The following CFAP300 variants were observed in gnomAD, a reference collection of about 807,000 sequenced individuals.
CFAP300 encodes cilia and flagella associated protein 300.
CFAP300 carries 32 observed loss-of-function variants against 33.0 expected under a neutral mutation model. The observed-to-expected ratio is 0.97, with a 90% CI of 0.73 to 1.30. CFAP300 has a LOEUF of 1.30. CFAP300 is among the 50% of genes most tolerant of loss of function. The probability of loss-of-function intolerance (pLI) is 0.00; values close to 1 mark genes in which losing one functional copy is unlikely to be tolerated. For missense variants in CFAP300, 356 were observed against 318.1 expected, an observed-to-expected ratio of 1.12 and a Z score of -0.90; for synonymous variants, 102 against 106.8, an observed-to-expected ratio of 0.95 and a Z score of 0.28.
chr11:102,079,527 G>A (rs17688499), intron 5 of CFAP300, among the ~76,000 whole-genome samples: 2,307 of 152,176 alleles, frequency 0.015, 101 homozygotes, highest in Admixed American at 0.077. Flanking sequence ...CCCTGAAATG[G>A]CTATGGCTGG....
intron 3 of CFAP300, among the ~76,000 whole-genome samples, chr11:102,063,783 C>A (rs1294871045): frequency 6.6e-6 from 1 of 152,096 alleles, no homozygotes; most frequent in Non-Finnish European, 1.5e-5. Context: ...CACATCACCA[C>A]ACTGCAGCCT....
chr11:102,047,614 C>G (rs1941900203), intron 1 of CFAP300, 34 bp downstream of exon 1: 1 of 1,527,052 alleles, frequency 6.5e-7, no homozygotes, highest in Non-Finnish European at 8.8e-7. Flanking sequence ...AGAAGAGGCC[C>G]TTGGTCTTCG....
intron 6 of CFAP300, 67 bp downstream of exon 6, chr11:102,081,348 T>C (rs756538904): frequency 1.6e-6 from 2 of 1,284,276 alleles, no homozygotes; most frequent in Non-Finnish European, 2.2e-6. Context: ...TTGTTACAAC[T>C]GGAGTTAACA....
At chr11:102,062,618 G>A (rs1247673547) in intron 3 of CFAP300, among the ~76,000 whole-genome samples, 1 of 152,202 alleles carries the variant, frequency 6.6e-6, no homozygotes, top group Non-Finnish European at 1.5e-5. Context: ...TTAAAGTAAT[G>A]TCTTGCTTAT....
chr11:102,061,749 C>T (rs1047978943), intron 3 of CFAP300, among the ~76,000 whole-genome samples: 1 of 152,216 alleles, frequency 6.6e-6, no homozygotes, highest in African/African-American at 2.4e-5. Context: ...CACTCTCCTG[C>T]CTCTGTCACT....
chr11:102,068,098 G>C (rs1191121666), intron 4 of CFAP300, among the ~76,000 whole-genome samples: 2 of 152,186 alleles, frequency 1.3e-5, no homozygotes, highest in Admixed American at 6.5e-5. Context: ...CATAATGTGA[G>C]AATTATGTGA....
At chr11:102,074,722 T>C (rs1260811623) in intron 4 of CFAP300, among the ~76,000 whole-genome samples, 3 of 151,834 alleles carry the variant, frequency 2.0e-5, no homozygotes, top group African/African-American at 7.3e-5. Flanking sequence ...ACATTCTTTT[T>C]TTTTTTTTCC....
intron 3 of CFAP300, among the ~76,000 whole-genome samples, chr11:102,061,695 G>A (rs534720400): frequency 2.6e-5 from 4 of 152,254 alleles, no homozygotes; most frequent in Admixed American, 2.0e-4. Context: ...AGTTTTACTC[G>A]ACTGAGTGAG....
chr11:102,057,968 G>A (rs1003820007), intron 2 of CFAP300: 1 of 152,244 alleles, frequency 6.6e-6, no homozygotes, highest in African/African-American at 2.4e-5. Flanking sequence ...GCTAAGTAAG[G>A]TTGGGCCTGG....
intron 6 of CFAP300, among the ~76,000 whole-genome samples, chr11:102,082,564 A>T (rs1942489596): frequency 6.6e-6 from 1 of 152,178 alleles, no homozygotes; most frequent in Admixed American, 6.5e-5. Context: ...ATCATAGTAG[A>T]CTGTGCTGTC....
intron 2 of CFAP300, among the ~76,000 whole-genome samples, chr11:102,056,154 T>C (rs1942053605): frequency 6.6e-6 from 1 of 152,210 alleles, no homozygotes; most frequent in South Asian, 2.1e-4. Flanking sequence ...TTCTAATACT[T>C]TCTTTCCAAT....
rs759681335 is a variant in CFAP300, at chr11:102,047,850, G to T, written c.146G>T (p.Gly49Val). 2.5e-6 allele frequency: 4 copies of T among 1,614,230 alleles called. No homozygotes were observed. In the South Asian group the frequency reaches 4.4e-5, roughly 18 times the overall value. Residue 49 changes from glycine (G) to valine (V), a missense_variant, in exon 2 of 7, where the codon GGC (glycine) becomes GTC (valine). By Grantham distance (109) the Gly-to-Val change is moderately radical (BLOSUM62 -3). Transcript: ENST00000434758. The part of the protein sequence containing the change: ...MLGRIKAQAF[G>V]FDQTFQSYRK... ...GGCAGAATCAAGGCGCAGGCGTTCG[G>T]CTTTGACCAGACCTTTCAGTCCTAT... is the stretch of plus-strand genomic sequence containing the variant.
intron 1 of CFAP300, 48 bp downstream of exon 1, chr11:102,047,628 C>T: frequency 6.6e-7 from 1 of 1,515,188 alleles, no homozygotes; most frequent in Non-Finnish European, 8.9e-7. Context: ...GTCTTCGCGG[C>T]TGTGGAGGCG....
intron 5 of CFAP300, 116 bp from the exon 6 acceptor site, chr11:102,081,099 A>G: frequency 4.3e-6 from 3 of 704,906 alleles, no homozygotes; most frequent in South Asian, 5.0e-5. Context: ...GTTGGATAGT[A>G]TGTATTTCCA....
At chr11:102,068,726 G>A (rs1942265005) in intron 4 of CFAP300, among the ~76,000 whole-genome samples, 1 of 152,184 alleles carries the variant, frequency 6.6e-6, no homozygotes, top group Non-Finnish European at 1.5e-5. Flanking sequence ...GGCAGAGATT[G>A]CGGTGAGCTG....
At position 102,083,319 on chromosome 11, in the gene CFAP300, T is replaced by C. The variant is rs556193469; in HGVS notation, c.*120T>C. 3 of 803,882 alleles carry C rather than the reference T, an allele frequency of 3.7e-6. No homozygotes were observed. The South Asian group carries it at 1.6e-4, about 42-fold the overall frequency. 49.8% of individuals were successfully genotyped at this position (803,882 alleles called of 1,614,324 possible). ...TCAAGAAAAATGTAAGGAGCCTACT[T>C]AGAGCAGAAGAAAGCAAACACCAAG... On this transcript the variant is annotated 3_prime_UTR_variant, in exon 7 of 7. Coordinates refer to ENST00000434758, the MANE Select transcript of CFAP300 (RefSeq NM_032930.3).
At chr11:102,054,235 C>T (rs1419306443) in intron 2 of CFAP300, among the ~76,000 whole-genome samples, 1 of 152,182 alleles carries the variant, frequency 6.6e-6, no homozygotes, top group Non-Finnish European at 1.5e-5. Context: ...TTTCCCAATG[C>T]CGTTAGATTA....
At chr11:102,072,466 GA>G (rs140990039) in intron 4 of CFAP300, among the ~76,000 whole-genome samples, 9,350 of 151,442 alleles carry the variant, frequency 0.062, 713 homozygotes, top group African/African-American at 0.17. Flanking sequence ...TTTTTTGAGA[GA>G]ATTTTTTTTT....
At chr11:102,066,396 A>G in intron 3 of CFAP300, 89 bp from the exon 4 acceptor site, 2 of 834,852 alleles carry the variant, frequency 2.4e-6, no homozygotes, top group Non-Finnish European at 3.5e-6. Flanking sequence ...AACTTCTTAG[A>G]ATTTCTGCAT....
Sources: allele counts gnomAD v4.1 joint callset (sites outside exome capture counted in the v4.1 genomes callset), GRCh38; gene constraint gnomAD v4.1.1; transcripts MANE v1.5; gene names NCBI Gene and HGNC (gene_info 2026-07-23, HGNC 2026-07-21).